Variants in TANC2 observed in about 807,000 individuals in gnomAD.
TANC2 encodes the protein protein TANC2.
Under a neutral mutation model 210.5 loss-of-function variants are expected in TANC2, and 26 were observed. The ratio of observed to expected loss-of-function variants is 0.12; its 90% CI spans 0.09 to 0.17. TANC2 has a LOEUF of 0.17. Among genes scored for constraint, TANC2 ranks in the 10% least tolerant of loss-of-function variants. The pLI is 1.00. For synonymous variants in TANC2, 931 were observed against 967.1 expected, an observed-to-expected ratio of 0.96 and a Z score of 0.69; for missense variants, 2,129 against 2,608.9, an observed-to-expected ratio of 0.82 and a Z score of 4.01.
chr17:63,291,194 A>C (rs138121330), intron 9 of TANC2, among the ~76,000 whole-genome samples: 1 of 152,186 alleles, frequency 6.6e-6, no homozygotes, highest in Non-Finnish European at 1.5e-5. Context: ...GTTATTTAAT[A>C]GTCTTCTTGT....
At chr17:63,180,902 T>G (rs998523138) in intron 5 of TANC2, among the ~76,000 whole-genome samples, 11 of 151,524 alleles carry the variant, frequency 7.3e-5, no homozygotes, top group Non-Finnish European at 8.8e-5. Flanking sequence ...CAGGTGCATG[T>G]AGTCCCAGCT....
At chr17:63,406,305 G>C (rs1269267419) in intron 21 of TANC2, 28 bp downstream of exon 21, 1 of 1,607,998 alleles carries the variant, frequency 6.2e-7, no homozygotes, top group African/African-American at 1.3e-5. Flanking sequence ...AGAGCTGGCT[G>C]GCCAGTTTCC....
Position 63,418,378 on chromosome 17 carries a change from T to C in TANC2, c.4239T>C (p.Tyr1413=), listed in dbSNP as rs1259190086. The C allele has an allele frequency of 6.2e-7, 1 of 1,612,912 alleles. No homozygotes were observed. The highest frequency in any genetic ancestry group is 8.5e-7 in the Non-Finnish European group (1 of 1,179,478). The change falls in exon 27 of 28, where the codon TAT becomes TAC. Residue 1413 remains tyrosine, a synonymous_variant. Coordinates refer to ENST00000689528, the Ensembl canonical transcript of TANC2. This position sits in a 1 kb window ranked among gnomAD's most constrained non-coding sequence, Gnocchi z 4.6. ...AACCGAAATCTTATGAAGCTTACTA[T>C]GCGAGAGCAAGGGCAAAACGCAGCA...
chr17:63,023,498 G>A, intron 2 of TANC2, among the ~76,000 whole-genome samples: 1 of 152,150 alleles, frequency 6.6e-6, no homozygotes. Flanking sequence ...ATGCCATTGT[G>A]CCTGTCCCTG....
chr17:63,239,655 C>G (rs1232032879), intron 8 of TANC2, among the ~76,000 whole-genome samples: 1 of 152,190 alleles, frequency 6.6e-6, no homozygotes, highest in African/African-American at 2.4e-5. Flanking sequence ...CTAGGACCTT[C>G]TAACTATGTC....
At chr17:63,288,711 T>C (rs1363182448) in intron 9 of TANC2, among the ~76,000 whole-genome samples, 2 of 152,308 alleles carry the variant, frequency 1.3e-5, no homozygotes, top group South Asian at 2.1e-4. Flanking sequence ...CTGTTCCTAA[T>C]TGTTATCTGT....
intron 2 of TANC2, among the ~76,000 whole-genome samples, chr17:63,051,028 A>G (rs2035563710): frequency 1.3e-5 from 2 of 152,202 alleles, no homozygotes; most frequent in African/African-American, 2.4e-5. Context: ...GCCATGGTCC[A>G]CACCATTGAC....
intron 14 of TANC2, among the ~76,000 whole-genome samples, chr17:63,368,613 T>A (rs2047175987): frequency 6.6e-6 from 1 of 152,182 alleles, no homozygotes; most frequent in African/African-American, 2.4e-5. Flanking sequence ...GAGAAGGCAG[T>A]TTCAAGGAGG....
intron 4 of TANC2, chr17:63,125,080 G>A (rs535205876): frequency 6.6e-6 from 1 of 152,264 alleles, no homozygotes; most frequent in South Asian, 2.1e-4. Context: ...ATAGCTGAAA[G>A]GATCCCTAAA....
intron 4 of TANC2, 68 bp downstream of exon 4, chr17:63,099,425 C>G: frequency 8.5e-7 from 1 of 1,182,672 alleles, no homozygotes. Context: ...TAGGTCACGT[C>G]AGATGTGTAT....
chr17:63,199,989 G>A lies in TANC2; in HGVS notation c.583-782G>A, dbSNP rs571195567. Among the ~76,000 whole-genome samples the A allele has an allele frequency of 4.6e-5, 7 of 152,216 alleles. No individual in the cohort carries two copies. The South Asian group carries it at 1.5e-3, about 32-fold the overall frequency. ...GTCTCTGGACAGCTGCCTATGTATC[G>A]AAAAGACACTTCCTTGCATTAAGAA... On this transcript the variant is annotated intron_variant, in intron 6 of 27. Coordinates refer to ENST00000689528, the Ensembl canonical transcript of TANC2.
chr17:63,176,336 A>G (rs2040579157), intron 5 of TANC2, among the ~76,000 whole-genome samples: 1 of 152,242 alleles, frequency 6.6e-6, no homozygotes, highest in African/African-American at 2.4e-5. Flanking sequence ...ATCCATACAA[A>G]GGAATACTGC....
At chr17:63,191,497 C>G (rs912088268) in intron 5 of TANC2, among the ~76,000 whole-genome samples, 1 of 152,030 alleles carries the variant, frequency 6.6e-6, no homozygotes, top group Non-Finnish European at 1.5e-5. Flanking sequence ...GGATCTTGCT[C>G]TGTTGCCCAG....
intron 2 of TANC2, among the ~76,000 whole-genome samples, chr17:63,016,721 G>A (rs960720947): frequency 5.3e-5 from 8 of 152,098 alleles, no homozygotes; most frequent in African/African-American, 1.9e-4. Flanking sequence ...GCCAACAGTT[G>A]TGATTTTCTT....
chr17:63,091,315 G>A (rs1481031341), intron 3 of TANC2, among the ~76,000 whole-genome samples: 3 of 152,116 alleles, frequency 2.0e-5, no homozygotes, highest in Non-Finnish European at 4.4e-5. Flanking sequence ...TATTGCCTAG[G>A]TTTTCTTCTA....
chr17:63,348,768 T>C (rs2046498025), intron 12 of TANC2, among the ~76,000 whole-genome samples: 1 of 152,174 alleles, frequency 6.6e-6, no homozygotes, highest in Admixed American at 6.5e-5. Context: ...TGATTTAAAG[T>C]ACTACTCTAA....
At chr17:63,194,325 A>G (rs2041274967) in intron 6 of TANC2, among the ~76,000 whole-genome samples, 186 bp downstream of exon 6, 1 of 152,250 alleles carries the variant, frequency 6.6e-6, no homozygotes, top group Admixed American at 6.5e-5. Context: ...CCAAAAAGCC[A>G]CTTTTAGGTT....
intron 11 of TANC2, chr17:63,332,057 A>G (rs2045874397): frequency 3.2e-6 from 1 of 312,312 alleles, no homozygotes; most frequent in Non-Finnish European, 6.3e-6. Flanking sequence ...CAATTATGCC[A>G]TCTGTAGAGT....
chr17:63,209,538 A>G (rs1465090073), intron 7 of TANC2, among the ~76,000 whole-genome samples: 2 of 151,958 alleles, frequency 1.3e-5, no homozygotes, highest in Admixed American at 6.6e-5. Flanking sequence ...AGTTCAAGTG[A>G]TTCTCCTGCC....
Sources: allele counts gnomAD v4.1 joint callset (sites outside exome capture counted in the v4.1 genomes callset), GRCh38; gene constraint gnomAD v4.1.1; non-coding constraint Gnocchi (gnomAD v3.1); transcripts MANE v1.5; gene names NCBI Gene and HGNC (gene_info 2026-07-23, HGNC 2026-07-21).